Variants in MAFF observed in about 807,000 individuals in gnomAD.
MAFF encodes the protein MAF bZIP transcription factor F.
MAFF carries 4 observed loss-of-function variants against 2.7 expected under a neutral mutation model. The observed-to-expected ratio is 1.48, with a 90% CI of 0.73 to 3.39. The LOEUF (loss-of-function observed/expected upper bound fraction) is 3.39, where lower values mean the gene tolerates loss of function less well. MAFF is among the 30% of genes most tolerant of loss of function. The pLI is 0.01. For synonymous variants in MAFF, 113 were observed against 119.4 expected (o/e 0.95, Z 0.35); for missense variants, 190 against 246.6 (o/e 0.77, Z 1.54).
chr22:38,208,998 G>A (rs1380869421), intron 1 of MAFF, among the ~76,000 whole-genome samples: 1 of 151,914 alleles, frequency 6.6e-6, no homozygotes, highest in African/African-American at 2.4e-5. Context: ...GTGCTGGGAG[G>A]GTGGGTCTGG....
At chr22:38,213,198 A>AAAAG (rs1555888681) in intron 1 of MAFF, among the ~76,000 whole-genome samples, 1,671 of 119,584 alleles carry the variant, frequency 0.014, 16 homozygotes, top group Middle Eastern at 0.024. Context: ...AAAAAAAAAA[A>AAAAG]AAAGAAAGAA....
intron 1 of MAFF, among the ~76,000 whole-genome samples, chr22:38,212,015 G>A (rs1302906694): frequency 6.6e-6 from 1 of 151,838 alleles, no homozygotes; most frequent in East Asian, 1.9e-4. Context: ...TTTTTGAGAT[G>A]GAGTCTCACT....
intron 1 of MAFF, among the ~76,000 whole-genome samples, chr22:38,211,574 G>A (rs2091102047): frequency 6.6e-6 from 1 of 152,162 alleles, no homozygotes; most frequent in African/African-American, 2.4e-5. Context: ...GACAACTCTG[G>A]CTTTACTCCA....
intron 1 of MAFF, among the ~76,000 whole-genome samples, chr22:38,212,693 C>T (rs1264850051): frequency 6.6e-6 from 1 of 151,970 alleles, no homozygotes; most frequent in Admixed American, 6.6e-5. Flanking sequence ...ATGGGGCAGC[C>T]CCCAGGAGGT....
chr22:38,209,980 G>A (rs574731490), intron 1 of MAFF, among the ~76,000 whole-genome samples: 2 of 152,300 alleles, frequency 1.3e-5, no homozygotes, highest in South Asian at 2.1e-4. Context: ...AGGCCCCCAA[G>A]GAGAGCTAGG....
rs946725335 is a variant in MAFF at position 38,215,262 on chromosome 22, G to C, written c.*384G>C. Reference sequence around the variant, plus strand: ...CCTCCAAACCCTCCCAGGATTCAAAGCTAGGTTTGGCTGTCTGTGACTTAC... The same window carrying C: ...CCTCCAAACCCTCCCAGGATTCAAACCTAGGTTTGGCTGTCTGTGACTTAC... On this transcript the variant is annotated 3_prime_UTR_variant, in exon 3 of 3. Transcript: ENST00000338483. 1.5e-5 allele frequency: 3 copies of C among 196,678 alleles called. No homozygotes were observed. The highest frequency in any genetic ancestry group is 3.4e-5 in the Non-Finnish European group (3 of 87,322). 12.2% of individuals were successfully genotyped at this position (196,678 alleles called of 1,614,324 possible).
chr22:38,205,810 G>A (rs2091047109), intron 1 of MAFF: 1 of 152,256 alleles, frequency 6.6e-6, no homozygotes, highest in Admixed American at 6.5e-5. Flanking sequence ...CAGGCCCAGG[G>A]TCAGCCAGCC....
At chr22:38,213,934 GC>G in intron 2 of MAFF, 45 bp downstream of exon 2, 2 of 1,607,292 alleles carry the variant, frequency 1.2e-6, no homozygotes, top group Non-Finnish European at 1.7e-6. Context: ...CTCCCTCCCT[GC>G]CCATGCAGAG....
At chr22:38,207,337 G>A (rs1464524540) in intron 1 of MAFF, among the ~76,000 whole-genome samples, 1 of 150,206 alleles carries the variant, frequency 6.7e-6, no homozygotes, top group Non-Finnish European at 1.5e-5. Context: ...TAGCCATGAT[G>A]GTCTCAGTCT....
chr22:38,212,682 T>A (rs2091110035), intron 1 of MAFF, among the ~76,000 whole-genome samples: 1 of 152,092 alleles, frequency 6.6e-6, no homozygotes. Flanking sequence ...GCTGAGTTAG[T>A]ATGGGGCAGC....
chr22:38,214,781 C>A lies in MAFF; in HGVS notation c.398C>A (p.Pro133Gln). 2 of 1,453,198 alleles carry A rather than the reference C, an allele frequency of 1.4e-6. No individual in the cohort carries two copies. Among genetic ancestry groups the A allele is most frequent in the East Asian group, 3.0e-5 (1 of 32,936 alleles). The allele number at this position is 1,453,198 out of a possible 1,614,324, so 90.0% of individuals were successfully genotyped here. A position where few individuals can be genotyped will look rare whatever the true frequency, so the allele number is the denominator to read the frequency against. ...CGCGGGCCCGCCACGCTCGTGGCGC[C>A]GGCCAGCGTCATCACCATCGTCAAG... ...AARGPATLVA[P>Q]ASVITIVKST... is the part of the protein sequence containing the mutation. The change falls in exon 3 of 3, where the codon CCG (proline) becomes CAG (glutamine). Residue 133 changes from proline (P) to glutamine (Q), a missense_variant. Pro to Gln is a moderately conservative substitution (Grantham distance 76). Coordinates refer to ENST00000338483, the MANE Select transcript of MAFF (RefSeq NM_012323.4). The surrounding 1 kb of genome is among the most constrained non-coding windows in gnomAD (Gnocchi z 6.3).
intron 1 of MAFF, among the ~76,000 whole-genome samples, chr22:38,213,176 CAAA>C (rs57782814): frequency 1.6e-3 from 188 of 114,068 alleles, no homozygotes; most frequent in African/African-American, 6.0e-3. Flanking sequence ...GACTCTGTCT[CAAA>C]AAAAAAAAAA....
Position 38,213,906 on chromosome 22 carries a change from T to C in MAFF, c.36+17T>C. 6.2e-7 allele frequency: 1 copy of C among 1,614,046 alleles called. No individual in the cohort carries two copies. The highest frequency in any genetic ancestry group is 8.5e-7 in the Non-Finnish European group (1 of 1,179,894). On this transcript the variant is annotated intron_variant, in intron 2 of 2. Coordinates refer to ENST00000338483, the MANE Select transcript of MAFF (RefSeq NM_012323.4). ...GCTCTAAAGGTGAGGAGGCAGCCTCTGTCAACCCAGTGAAGCCCTCCCTCC... is the reference window on the plus strand; with the variant it reads ...GCTCTAAAGGTGAGGAGGCAGCCTCCGTCAACCCAGTGAAGCCCTCCCTCC...
Position 38,206,337 on chromosome 22 carries a change from CTCCTTT to C in MAFF, c.-32+4127_-32+4132del, listed in dbSNP as rs1255852411. Among the ~76,000 whole-genome samples the C allele has an allele frequency of 6.5e-4, 76 of 116,394 alleles. 2 individuals carry two copies. Among genetic ancestry groups the C allele is most frequent in the South Asian group, 4.7e-3 (16 of 3,426 alleles). 76.4% of individuals were successfully genotyped at this position (116,394 alleles called of 152,430 possible). A position where few individuals can be genotyped will look rare whatever the true frequency, so the allele number is the denominator to read the frequency against. On this transcript the variant is annotated intron_variant, in intron 1 of 2. Coordinates refer to ENST00000338483, the MANE Select transcript of MAFF (RefSeq NM_012323.4). ...ATGAGGTGATCTTTCTTGCCTATGCCTCCTTTTTTTTTTTTTTTTTTTTTGATGGAG... is the reference window on the plus strand; with the variant it reads ...ATGAGGTGATCTTTCTTGCCTATGCCTTTTTTTTTTTTTTTTTTGATGGAG...
chr22:38,205,412 C>G (rs2146010802), intron 1 of MAFF: 1 of 97,770 alleles, frequency 1.0e-5, no homozygotes. Flanking sequence ...GCTAGGAAAA[C>G]ACATTTTTTC....
intron 1 of MAFF, among the ~76,000 whole-genome samples, chr22:38,212,293 G>A (rs1398665360): frequency 2.0e-5 from 3 of 152,292 alleles, no homozygotes; most frequent in South Asian, 2.1e-4. Context: ...GAGCCACCGC[G>A]CCCAGCCTAT....
intron 2 of MAFF, 89 bp downstream of exon 2, chr22:38,213,978 A>T: frequency 6.9e-7 from 1 of 1,444,064 alleles, no homozygotes; most frequent in Non-Finnish European, 9.7e-7. Flanking sequence ...TCTTTCCTGG[A>T]ATCCCCTGGG....
intron 1 of MAFF, among the ~76,000 whole-genome samples, chr22:38,211,927 G>C (rs948262597): frequency 6.6e-6 from 1 of 152,176 alleles, no homozygotes; most frequent in African/African-American, 2.4e-5. Context: ...TGCTCTTTCC[G>C]ATACGGTACG....
chr22:38,210,100 G>A (rs912600066), intron 1 of MAFF, among the ~76,000 whole-genome samples: 2 of 152,146 alleles, frequency 1.3e-5, no homozygotes, highest in African/African-American at 4.8e-5. Context: ...GCAGCTCAGG[G>A]GTCACCCCAT....
Sources: allele counts gnomAD v4.1 joint callset (sites outside exome capture counted in the v4.1 genomes callset), GRCh38; gene constraint gnomAD v4.1.1; non-coding constraint Gnocchi (gnomAD v3.1); transcripts MANE v1.5; gene names NCBI Gene and HGNC (gene_info 2026-07-23, HGNC 2026-07-21).